DAP: variants seen among roughly 807,000 people sequenced by gnomAD.
DAP encodes the protein death-associated protein 1.
DAP carries 8 observed loss-of-function variants against 13.8 expected under a neutral mutation model. The observed-to-expected ratio is 0.58, with a 90% CI of 0.34 to 1.05. DAP has a LOEUF of 1.05. Among genes scored for constraint, DAP ranks in the 50% least tolerant of loss-of-function variants. The probability of loss-of-function intolerance (pLI) is 0.03; values close to 1 mark genes in which losing one functional copy is unlikely to be tolerated. For synonymous variants in DAP, 47 were observed against 47.5 expected, an observed-to-expected ratio of 0.99 and a Z score of 0.04; for missense variants, 106 against 133.2, an observed-to-expected ratio of 0.80 and a Z score of 1.01.
At chr5:10,689,742 G>A (rs1195757977) in intron 2 of DAP, among the ~76,000 whole-genome samples, 1 of 152,190 alleles carries the variant, frequency 6.6e-6, no homozygotes, top group Non-Finnish European at 1.5e-5. Flanking sequence ...ATGTGGTGCT[G>A]GCGACTTGGC....
chr5:10,699,029 A>G (rs1738500922), intron 2 of DAP, among the ~76,000 whole-genome samples: 1 of 152,222 alleles, frequency 6.6e-6, no homozygotes, highest in African/African-American at 2.4e-5. Context: ...AAAGATAAAA[A>G]GGTGCAGGTT....
At chr5:10,685,992 G>A (rs975206300) in intron 2 of DAP, among the ~76,000 whole-genome samples, 17 of 152,174 alleles carry the variant, frequency 1.1e-4, no homozygotes, top group Non-Finnish European at 2.5e-4. Context: ...CAGGTAATGT[G>A]TTTCTTTAGG....
chr5:10,724,124 A>C (rs5745218), intron 2 of DAP, among the ~76,000 whole-genome samples: 9 of 152,192 alleles, frequency 5.9e-5, no homozygotes, highest in Non-Finnish European at 1.3e-4. Flanking sequence ...AAATTAAAAC[A>C]ATTTAAAAGC....
chr5:10,760,949 G>C, intron 1 of DAP, 65 bp downstream of exon 1: 8 of 1,077,602 alleles, frequency 7.4e-6, no homozygotes, highest in Non-Finnish European at 9.4e-6. Flanking sequence ...GCCCCCGCCC[G>C]GCGCCCCCGG....
chr5:10,709,506 T>C (rs1738787844), intron 2 of DAP, among the ~76,000 whole-genome samples: 1 of 152,192 alleles, frequency 6.6e-6, no homozygotes, highest in African/African-American at 2.4e-5. Context: ...TGCTTGGGTG[T>C]GTTCAAAACA....
intron 1 of DAP, among the ~76,000 whole-genome samples, chr5:10,752,289 G>A (rs1351950811): frequency 6.6e-6 from 1 of 152,104 alleles, no homozygotes; most frequent in Non-Finnish European, 1.5e-5. Context: ...ATAAAAAGTG[G>A]CAATAATAAC....
intron 2 of DAP, among the ~76,000 whole-genome samples, chr5:10,725,065 C>T (rs1739252926): frequency 6.6e-6 from 1 of 152,228 alleles, no homozygotes; most frequent in Admixed American, 6.5e-5. Flanking sequence ...TCTCTGATCA[C>T]ATTTGGAATC....
chr5:10,751,950 C>T (rs936430802), intron 1 of DAP, among the ~76,000 whole-genome samples: 2 of 152,246 alleles, frequency 1.3e-5, no homozygotes, highest in Non-Finnish European at 2.9e-5. Flanking sequence ...ACCAACAATA[C>T]AGATGCCCAT....
At chr5:10,722,637 C>CAT (rs138837264) in intron 2 of DAP, among the ~76,000 whole-genome samples, 2,815 of 148,350 alleles carry the variant, frequency 0.019, 70 homozygotes, top group African/African-American at 0.061. Context: ...CATATATATA[C>CAT]ATATATATAT....
chr5:10,752,696 G>A lies in DAP; in HGVS notation c.56-4425C>T, dbSNP rs548017598. Among the ~76,000 whole-genome samples the A allele has an allele frequency of 5.3e-5, 8 of 152,282 alleles. No homozygotes were observed. In the East Asian group the frequency reaches 1.5e-3, roughly 29 times the overall value. ...TAAGTGTGTGCACATGTGTGCATAC[G>A]TATGTGCTTGTGTGTGTGGCTGTGT... On this transcript the variant is annotated intron_variant, in intron 1 of 3. Coordinates refer to ENST00000230895, the MANE Select transcript of DAP (RefSeq NM_004394.3).
In DAP at chr5:10,688,915, A is replaced by G. The variant is rs372723970; in HGVS notation, c.153-5344T>C. ...CCCACTGTGTAGTAGCTGCCACGTG[A>G]GGCTCTCGGGGGACCTGGCTATCAG... On this transcript the variant is annotated intron_variant, in intron 2 of 3. Transcript: ENST00000230895. 1.1e-3 allele frequency among the ~76,000 whole-genome samples: 161 copies of G among 152,116 alleles called. 1 individual carries two copies. Among genetic ancestry groups the G allele is most frequent in the Middle Eastern group, 6.8e-3 (2 of 294 alleles).
intron 2 of DAP, among the ~76,000 whole-genome samples, chr5:10,729,690 T>C (rs771763247): frequency 2.5e-4 from 38 of 152,352 alleles, no homozygotes; most frequent in Non-Finnish European, 4.6e-4. Flanking sequence ...CCAAACACTC[T>C]TGATCGTGCC....
intron 2 of DAP, chr5:10,747,952 G>T (rs1047262809): frequency 6.5e-6 from 3 of 460,708 alleles, no homozygotes; most frequent in Non-Finnish European, 1.2e-5. Context: ...GAACAGGGTG[G>T]GCGCGTGGCA....
Position 10,679,463 on chromosome 5 carries a change from T to C in DAP, c.*1593A>G, listed in dbSNP as rs974235268. On this transcript the variant is annotated 3_prime_UTR_variant, in exon 4 of 4. Transcript: ENST00000230895. ...GATTTCTGCAGCGGCAGGGCAGGGG[T>C]CTGCACAGGCCTGACCTGGTGTTGC... 2 of 152,258 alleles carry C rather than the reference T, an allele frequency of 1.3e-5. No homozygotes were observed. Among genetic ancestry groups the C allele is most frequent in the East Asian group, 3.8e-4 (2 of 5,314 alleles). The allele number at this position is 152,258 out of a possible 1,614,324, so 9.4% of individuals were successfully genotyped here.
intron 2 of DAP, among the ~76,000 whole-genome samples, chr5:10,695,517 A>G (rs1738419481): frequency 6.6e-6 from 1 of 152,232 alleles, no homozygotes; most frequent in African/African-American, 2.4e-5. Context: ...AAAGGGCACA[A>G]CCAGAGGTGC....
At chr5:10,681,365 C>T (rs540551373) in intron 3 of DAP, among the ~76,000 whole-genome samples, 196 bp from the exon 4 acceptor site, 188 of 88,900 alleles carry the variant, frequency 2.1e-3, no homozygotes, top group African/African-American at 8.0e-3. Context: ...AGGCCAGGGC[C>T]CACCAGCGCC....
chr5:10,723,428 G>C (rs372457173), intron 2 of DAP, among the ~76,000 whole-genome samples: 8 of 152,214 alleles, frequency 5.3e-5, no homozygotes, highest in African/African-American at 1.7e-4. Context: ...ACGATGCCTT[G>C]TAAGAACAAT....
chr5:10,754,789 G>A (rs992556159), intron 1 of DAP, among the ~76,000 whole-genome samples: 2 of 152,182 alleles, frequency 1.3e-5, no homozygotes, highest in Admixed American at 6.5e-5. Flanking sequence ...TTGAGGCTAG[G>A]ACTAGTCAGG....
intron 2 of DAP, among the ~76,000 whole-genome samples, chr5:10,704,231 C>G (rs577934309): frequency 6.6e-6 from 1 of 152,186 alleles, no homozygotes; most frequent in African/African-American, 2.4e-5. Context: ...GGGGCTTGGG[C>G]AGCACCCCAT....
Sources: allele counts gnomAD v4.1 joint callset (sites outside exome capture counted in the v4.1 genomes callset), GRCh38; gene constraint gnomAD v4.1.1; transcripts MANE v1.5; gene names NCBI Gene and HGNC (gene_info 2026-07-23, HGNC 2026-07-21).